Variants in MYO1G observed in about 807,000 individuals in gnomAD.
MYO1G encodes myosin IG.
Under a neutral mutation model 115.3 loss-of-function variants are expected in MYO1G, and 65 were observed. The ratio of observed to expected loss-of-function variants is 0.56; its 90% CI spans 0.46 to 0.69. The LOEUF is 0.69. Among genes scored for constraint, MYO1G ranks in the 30% least tolerant of loss-of-function variants. The pLI, the probability that MYO1G is intolerant of heterozygous loss-of-function variation, is 0.00. For synonymous variants in MYO1G, 510 were observed against 552.6 expected (o/e 0.92, Z 1.08); for missense variants, 1,204 against 1,393.5 (o/e 0.86, Z 2.16).
rs1407183105 is a variant in MYO1G, at chr7:44,963,837, T to C, written c.2745+212A>G. 7 of 557,664 alleles carry C rather than the reference T, an allele frequency of 1.3e-5. No individual in the cohort carries two copies. Among genetic ancestry groups the C allele is most frequent in the Non-Finnish European group, 1.9e-5 (6 of 309,976 alleles). 34.5% of individuals were successfully genotyped at this position (557,664 alleles called of 1,614,324 possible). On this transcript the variant is annotated intron_variant, in intron 20 of 21. Transcript: ENST00000258787. The surrounding 1 kb of genome is among the most constrained non-coding windows in gnomAD (Gnocchi z 4.1). The stretch of plus-strand genomic sequence containing the variant: ...TGTGAGAGTGGGGGTGGGGGGTGAC[T>C]GGGCTGGTGGGGATCACAGGATGGG...
At chr7:44,967,043 C>T (rs1187669778) in intron 14 of MYO1G, among the ~76,000 whole-genome samples, 3 of 152,212 alleles carry the variant, frequency 2.0e-5, no homozygotes, top group Admixed American at 6.5e-5. Context: ...AGGTTCCAGC[C>T]CCTGGTCGGG....
At chr7:44,971,230 T>C (rs184816096) in intron 7 of MYO1G, among the ~76,000 whole-genome samples, 171 bp from the exon 8 acceptor site, 1 of 152,166 alleles carries the variant, frequency 6.6e-6, no homozygotes, top group East Asian at 1.9e-4. Context: ...AGCCAGAGAC[T>C]GGGGGAAGGG....
chr7:44,964,556 A>T lies in MYO1G; in HGVS notation c.2527-37T>A, dbSNP rs758624657. 2 of 1,538,794 alleles carry T rather than the reference A, an allele frequency of 1.3e-6. No homozygotes were observed. The highest frequency in any genetic ancestry group is 4.5e-5 in the East Asian group (2 of 44,314). On this transcript the variant is annotated intron_variant, in intron 18 of 21. Coordinates refer to ENST00000258787, the MANE Select transcript of MYO1G (RefSeq NM_033054.3). The surrounding 1 kb of genome is among the most constrained non-coding windows in gnomAD (Gnocchi z 5.1). ...TGGAGGGGAGGGGGCGCTGCTTGGG[A>T]TTGAGTCATGGGACCAGACTCAATT...
chr7:44,976,295 C>T (rs746321460), intron 3 of MYO1G, among the ~76,000 whole-genome samples: 2 of 152,224 alleles, frequency 1.3e-5, no homozygotes, highest in Non-Finnish European at 2.9e-5. Flanking sequence ...CACTTCTCCT[C>T]ATCCTACCTG....
chr7:44,969,824 G>A lies in MYO1G; in HGVS notation c.1384C>T (p.Arg462Cys), dbSNP rs763526010. 2.6e-5 allele frequency: 42 copies of A among 1,613,048 alleles called. No homozygotes were observed. The highest frequency in any genetic ancestry group is 2.4e-4 in the South Asian group (22 of 91,010). ...TCGTCCAGCACGGCCAGGATGCCAC[G>A]GTGGGGCCGCTCCACCAGATCCACA... ...TIVDLVERPH[R>C]GILAVLDEAC... Residue 462 changes from arginine (R) to cysteine (C), a missense_variant, in exon 11 of 22, where the codon CGT becomes TGT. Arg to Cys is a radical substitution (Grantham distance 180, BLOSUM62 -3). Coordinates refer to ENST00000258787, the MANE Select transcript of MYO1G (RefSeq NM_033054.3). This position sits in a 1 kb window ranked among gnomAD's most constrained non-coding sequence, Gnocchi z 5.0.
At chr7:44,971,643 AG>A (rs1794959835) in intron 7 of MYO1G, 29 bp downstream of exon 7, 2 of 1,499,610 alleles carry the variant, frequency 1.3e-6, no homozygotes, top group Non-Finnish European at 9.1e-7. Context: ...GTGGGGAAGT[AG>A]CCCTCCCAGG....
Position 44,963,235 on chromosome 7 carries a change from G to C in MYO1G, c.2746-111C>G, listed in dbSNP as rs1380553661. 1 of 1,306,742 alleles carries C rather than the reference G, an allele frequency of 7.7e-7. No individual in the cohort carries two copies. Among genetic ancestry groups the C allele is most frequent in the Non-Finnish European group, 9.9e-7 (1 of 1,008,812 alleles). The allele number at this position is 1,306,742 out of a possible 1,614,324, so 80.9% of individuals were successfully genotyped here. On this transcript the variant is annotated intron_variant, in intron 20 of 21. Transcript: ENST00000258787. The surrounding 1 kb of genome is among the most constrained non-coding windows in gnomAD (Gnocchi z 4.1). ...CCGAACCCCCAACCGCACCCGGGGA[G>C]CGCCGCCCTCGCCAGGGCCACCAGC...
rs536012961 is a variant in MYO1G, at chr7:44,964,658, G to A, written c.2527-139C>T. On this transcript the variant is annotated intron_variant, in intron 18 of 21. Coordinates refer to ENST00000258787, the MANE Select transcript of MYO1G (RefSeq NM_033054.3). This position sits in a 1 kb window ranked among gnomAD's most constrained non-coding sequence, Gnocchi z 5.1. ...AGTCACACAGACTTGTGCGTGAGCT[G>A]AGCAGCCCTGGATTTCCTGAGGGCA... is the stretch of plus-strand genomic sequence containing the variant. 37 of 810,052 alleles carry A rather than the reference G, an allele frequency of 4.6e-5. No individual in the cohort carries two copies. The highest frequency in any genetic ancestry group is 6.9e-5 in the Non-Finnish European group (34 of 493,250). 50.2% of individuals were successfully genotyped at this position (810,052 alleles called of 1,614,324 possible).
At chr7:44,975,053 G>A in intron 5 of MYO1G, 121 bp downstream of exon 5, 1 of 997,430 alleles carries the variant, frequency 1.0e-6, no homozygotes, top group Non-Finnish European at 1.6e-6. Context: ...TGGGCTAGGT[G>A]GGGTTGAGTG....
At chr7:44,972,524 A>G in intron 5 of MYO1G, 1 of 389,460 alleles carries the variant, frequency 2.6e-6, no homozygotes, top group Non-Finnish European at 4.9e-6. Context: ...CCCTCGACCC[A>G]GGGGGATCCC....
At position 44,970,072 on chromosome 7, in the gene MYO1G, C is replaced by T; in HGVS notation, c.1300G>A (p.Glu434Lys). 1 of 1,614,126 alleles carries T rather than the reference C, an allele frequency of 6.2e-7. No individual in the cohort carries two copies. The highest frequency in any genetic ancestry group is 1.1e-5 in the South Asian group (1 of 91,086). The change falls in exon 10 of 22, where the codon GAG becomes AAG. Residue 434 changes from glutamate to lysine, a missense_variant. Transcript: ENST00000258787. ...CAGGTGATGCCCTCGCGCTCGTACT[C>T]TTCCTGTTCCTGCTTCAGGATGAGC... Reference protein sequence around the residue: ...IQLILKQEQEEYEREGITWQS... With the variant: ...IQLILKQEQEKYEREGITWQS...
In MYO1G at chr7:44,966,825, A is replaced by T; in HGVS notation, c.1796T>A (p.Val599Asp). 2 of 1,608,888 alleles carry T rather than the reference A, an allele frequency of 1.2e-6. No homozygotes were observed. The highest frequency in any genetic ancestry group is 1.7e-6 in the Non-Finnish European group (2 of 1,176,784). ...ENLASKEPFY[V>D]RCIKPNEDKV... ...GTCCTCATTGGGCTTGATGCAGCGG[A>T]CGTAGAAGGGCTCCTGCAGGGACAG... Residue 599 changes from valine to aspartate, a missense_variant, in exon 15 of 22, where the codon GTC (valine) becomes GAC (aspartate). Physicochemically the swap from Val to Asp is radical, Grantham distance 152. Coordinates refer to ENST00000258787, the MANE Select transcript of MYO1G (RefSeq NM_033054.3). The surrounding 1 kb of genome is among the most constrained non-coding windows in gnomAD (Gnocchi z 5.0).
At position 44,969,270 on chromosome 7, in the gene MYO1G, T is replaced by G; in HGVS notation, c.1574+143A>C. ...ACTTGTGAATCTGCTGTCCGGCATG[T>G]TTCAGTGTCTTAAAGGGGTGGGGGT... On this transcript the variant is annotated intron_variant, in intron 12 of 21. Transcript: ENST00000258787. The surrounding 1 kb of genome is among the most constrained non-coding windows in gnomAD (Gnocchi z 5.0). 1.3e-6 allele frequency: 1 copy of G among 749,112 alleles called. No homozygotes were observed. Among genetic ancestry groups the G allele is most frequent in the Non-Finnish European group, 2.4e-6 (1 of 415,412 alleles). 46.4% of individuals were successfully genotyped at this position (749,112 alleles called of 1,614,324 possible).
rs1794950262 is a variant in MYO1G, at chr7:44,971,073, A to G, written c.847-14T>C. 1 of 1,601,028 alleles carries G rather than the reference A, an allele frequency of 6.2e-7. No homozygotes were observed. ...CTCGATGTTTCCCTGGTGATGGGAA[A>G]ACCATGAACAGTCCGGGCTCCATGT... On this transcript the variant is annotated splice_polypyrimidine_tract_variant and intron_variant, in intron 7 of 21. Transcript: ENST00000258787.
At chr7:44,970,457 A>G (rs1246740594) in intron 9 of MYO1G, 135 bp downstream of exon 9, 1 of 1,195,178 alleles carries the variant, frequency 8.4e-7, no homozygotes, top group Non-Finnish European at 1.2e-6. Flanking sequence ...TTTGGGAGGC[A>G]TGAGCCTTGG....
intron 9 of MYO1G, 34 bp from the exon 10 acceptor site, chr7:44,970,188 C>T (rs560835561): frequency 4.0e-5 from 58 of 1,452,336 alleles, no homozygotes; most frequent in South Asian, 1.6e-4. Flanking sequence ...GAGGGGAGGT[C>T]GCTGCTTGTG....
chr7:44,978,907 G>C lies in MYO1G; in HGVS notation c.55C>G (p.Gln19Glu), dbSNP rs1381479531. 6.2e-7 allele frequency: 1 copy of C among 1,614,158 alleles called. No individual in the cohort carries two copies. The highest frequency in any genetic ancestry group is 2.2e-5 in the East Asian group (1 of 44,878). The change falls in exon 1 of 22, where the codon CAA becomes GAA. Residue 19 changes from glutamine (Q) to glutamate (E), a missense_variant. Coordinates refer to ENST00000258787, the MANE Select transcript of MYO1G (RefSeq NM_033054.3). ...CTCATGAAGTCCTCCATGGTCACTT[G>C]GTCCAAAAGCACAAAGTCAGGTTTG... The part of the protein sequence containing the change: ...YGKPDFVLLD[Q>E]VTMEDFMRNL...
chr7:44,976,956 G>T lies in MYO1G; in HGVS notation c.211C>A (p.Leu71Ile). 1 of 1,613,658 alleles carries T rather than the reference G, an allele frequency of 6.2e-7. No homozygotes were observed. The highest frequency in any genetic ancestry group is 8.5e-7 in the Non-Finnish European group (1 of 1,180,038). ...TAGAGATGGGGTGGCCGCTCATAGA[G>T]CTCACGGCCCTGGTACCTGGCGATG... ...EAIARYQGRE[L>I]YERPPHLYAV... The change falls in exon 2 of 22, where the codon CTC (leucine) becomes ATC (isoleucine). Residue 71 changes from leucine to isoleucine, a missense_variant. Physicochemically the swap from Leu to Ile is conservative, Grantham distance 5. Coordinates refer to ENST00000258787, the MANE Select transcript of MYO1G (RefSeq NM_033054.3).
In MYO1G at chr7:44,965,528, C is replaced by G. The variant is rs572514669; in HGVS notation, c.2381+109G>C. On this transcript the variant is annotated intron_variant, in intron 17 of 21. Coordinates refer to ENST00000258787, the MANE Select transcript of MYO1G (RefSeq NM_033054.3). ...GCATAGCATCCACCTTCCCACCTAT[C>G]AAGGGGGCTGGTGTATCTCCCATCC... The G allele has an allele frequency of 8.4e-5, 88 of 1,047,386 alleles. No individual in the cohort carries two copies. The African/African-American group carries it at 9.0e-4, about 11-fold the overall frequency. The allele number at this position is 1,047,386 out of a possible 1,614,324, so 64.9% of individuals were successfully genotyped here.
Sources: allele counts gnomAD v4.1 joint callset (sites outside exome capture counted in the v4.1 genomes callset), GRCh38; gene constraint gnomAD v4.1.1; non-coding constraint Gnocchi (gnomAD v3.1); transcripts MANE v1.5; gene names NCBI Gene and HGNC (gene_info 2026-07-23, HGNC 2026-07-21).